The following HIPK3 variants were observed in gnomAD, a reference collection of about 807,000 sequenced individuals.
HIPK3 encodes the protein homeodomain interacting protein kinase 3, also known as homeodomain-interacting protein kinase 3.
Under a neutral mutation model 124.2 loss-of-function variants are expected in HIPK3, and 47 were observed. The ratio of observed to expected loss-of-function variants is 0.38; its 90% CI spans 0.30 to 0.48. The LOEUF is 0.48. HIPK3 is among the 20% of genes least tolerant of loss of function. The pLI is 0.98. For synonymous variants in HIPK3, 482 were observed against 515.2 expected (o/e 0.94, Z 0.87); for missense variants, 1,286 against 1,454.3 (o/e 0.88, Z 1.88).
chr11:33,307,760 G>GT (rs1852210028), intron 2 of HIPK3, among the ~76,000 whole-genome samples: 1 of 151,440 alleles, frequency 6.6e-6, no homozygotes, highest in Non-Finnish European at 1.5e-5. Flanking sequence ...TTGTTGGTGT[G>GT]TGTGTGTGTG....
At chr11:33,339,623 T>G in intron 6 of HIPK3, 89 bp downstream of exon 6, 1 of 933,780 alleles carries the variant, frequency 1.1e-6, no homozygotes. Flanking sequence ...TTTTCTTCAT[T>G]AAACACAAGT....
Position 33,353,426 on chromosome 11 carries a change from AT to A in HIPK3, c.3507del (p.Arg1171ValfsTer34), listed in dbSNP as rs1480274480. On this transcript the variant is annotated frameshift_variant, in exon 17 of 17. Coordinates refer to ENST00000303296, the MANE Select transcript of HIPK3 (RefSeq NM_005734.5). LOFTEE classifies it high-confidence loss of function. ...GIVHQVPVGL[N>X]PRLLPSPTIH... ...GTTCACCAAGTCCCAGTGGGCTTAA[AT>A]CCCCGTCTGTTACCATCCCCAACCA... The A allele has an allele frequency of 6.2e-7, 1 of 1,613,940 alleles. No individual in the cohort carries two copies. The highest frequency in any genetic ancestry group is 8.5e-7 in the Non-Finnish European group (1 of 1,179,966).
intron 2 of HIPK3, among the ~76,000 whole-genome samples, chr11:33,317,678 C>A (rs1295241276): frequency 6.6e-6 from 1 of 152,202 alleles, no homozygotes; most frequent in Non-Finnish European, 1.5e-5. Flanking sequence ...ATTGCTGATA[C>A]AACTTAGGTG....
At chr11:33,308,880 T>A (rs1404473562) in intron 2 of HIPK3, among the ~76,000 whole-genome samples, 1 of 151,932 alleles carries the variant, frequency 6.6e-6, no homozygotes, top group Admixed American at 6.6e-5. Flanking sequence ...TTCCTTTTAC[T>A]GCTTTTCTGT....
intron 3 of HIPK3, among the ~76,000 whole-genome samples, chr11:33,332,477 A>G (rs1369213931): frequency 3.3e-5 from 5 of 152,168 alleles, no homozygotes; most frequent in African/African-American, 1.2e-4. Context: ...GGATGGATGG[A>G]TGGTTGAATG....
rs138430064 is a variant in HIPK3 at position 33,271,072 on chromosome 11, C to T, written c.-3+13183C>T. On this transcript the variant is annotated intron_variant, in intron 1 of 16. Coordinates refer to ENST00000303296, the MANE Select transcript of HIPK3 (RefSeq NM_005734.5). ...TTATATTAGTCTAGTATACCAATTC[C>T]TAGCAGTATGATTCCAGGTAAATGA... 5.2e-3 allele frequency among the ~76,000 whole-genome samples: 785 copies of T among 152,190 alleles called. 9 individuals carry two copies. Among genetic ancestry groups the T allele is most frequent in the Non-Finnish European group, 7.5e-3 (507 of 68,016 alleles).
intron 2 of HIPK3, among the ~76,000 whole-genome samples, chr11:33,290,640 C>CTTT (rs34712545): frequency 1.4e-5 from 2 of 141,752 alleles, no homozygotes; most frequent in Admixed American, 7.1e-5. Context: ...AAAAAAAAGT[C>CTTT]TTTTTTTTTT....
chr11:33,257,979 A>G, intron 1 of HIPK3, 90 bp downstream of exon 1: 1 of 960,692 alleles, frequency 1.0e-6, no homozygotes, highest in Non-Finnish European at 1.2e-6. Flanking sequence ...CCCAAGCCTG[A>G]CCCGGGCCTG....
chr11:33,344,209 A>G (rs1853427723), intron 8 of HIPK3, among the ~76,000 whole-genome samples: 1 of 152,230 alleles, frequency 6.6e-6, no homozygotes, highest in African/African-American at 2.4e-5. Flanking sequence ...TAAATACTTC[A>G]GCATGCAAGA....
At chr11:33,351,183 C>T (rs1224375565) in intron 14 of HIPK3, among the ~76,000 whole-genome samples, 1 of 152,082 alleles carries the variant, frequency 6.6e-6, no homozygotes, top group Admixed American at 6.6e-5. Context: ...AGCAGAGGCA[C>T]ATATCCTGAT....
chr11:33,298,189 G>A lies in HIPK3; in HGVS notation c.1097+10678G>A, dbSNP rs556739183. 3.0e-4 allele frequency among the ~76,000 whole-genome samples: 46 copies of A among 152,218 alleles called. No individual in the cohort carries two copies. In the South Asian group the frequency reaches 8.7e-3, roughly 29 times the overall value. ...AAATCCCAGAGCCCTTTAGAATTAC[G>A]CCAAATCGACTCTGCCTCGACTCTG... On this transcript the variant is annotated intron_variant, in intron 2 of 16. Transcript: ENST00000303296.
intron 2 of HIPK3, among the ~76,000 whole-genome samples, chr11:33,296,640 G>C (rs1391206893): frequency 2.0e-5 from 3 of 152,064 alleles, no homozygotes; most frequent in African/African-American, 7.3e-5. Flanking sequence ...TTGTTACAAT[G>C]ATCTTTGAAC....
intron 1 of HIPK3, among the ~76,000 whole-genome samples, chr11:33,276,040 T>A (rs1168380692): frequency 1.3e-5 from 2 of 152,200 alleles, no homozygotes; most frequent in Non-Finnish European, 2.9e-5. Context: ...GTTTAACTTA[T>A]CCTTTGACAA....
chr11:33,332,634 TATGTA>T (rs1175379745), intron 3 of HIPK3, among the ~76,000 whole-genome samples: 1 of 152,206 alleles, frequency 6.6e-6, no homozygotes, highest in Non-Finnish European at 1.5e-5. Context: ...TTTCAAGTCT[TATGTA>T]AGAAAAATAA....
At chr11:33,307,827 T>C (rs1488069406) in intron 2 of HIPK3, among the ~76,000 whole-genome samples, 1 of 152,004 alleles carries the variant, frequency 6.6e-6, no homozygotes, top group Non-Finnish European at 1.5e-5. Flanking sequence ...TATGAAACTT[T>C]TGGGAAAATA....
intron 2 of HIPK3, among the ~76,000 whole-genome samples, chr11:33,318,672 T>C (rs980619677): frequency 1.3e-5 from 2 of 152,172 alleles, no homozygotes; most frequent in African/African-American, 4.8e-5. Flanking sequence ...GCCAGCAAAA[T>C]CTCTCTGTCT....
In HIPK3 at chr11:33,341,029, A is replaced by G; in HGVS notation, c.1675A>G (p.Asn559Asp). ...CKSHLNSCDT[N>D]NHNKTSLLRP... ...GTCCCACCTAAATTCATGTGACACA[A>G]ATAATCACAACAAAACTTCACTTTT... Residue 559 changes from asparagine to aspartate, a missense_variant, in exon 7 of 17, where the codon AAT becomes GAT. Transcript: ENST00000303296. 6.2e-7 allele frequency: 1 copy of G among 1,609,470 alleles called. No individual in the cohort carries two copies.
rs762660069 is a variant in HIPK3 at position 33,348,155 on chromosome 11, C to T, written c.2307-11C>T. The T allele has an allele frequency of 2.5e-6, 4 of 1,613,538 alleles. No homozygotes were observed. Among genetic ancestry groups the T allele is most frequent in the Non-Finnish European group, 3.4e-6 (4 of 1,179,652 alleles). The stretch of plus-strand genomic sequence containing the variant: ...ACAAACACTAAGCCAGCTCCCTTCT[C>T]AATTTCTCAGAGGTATTTTGGTAAA... On this transcript the variant is annotated splice_polypyrimidine_tract_variant and intron_variant, in intron 11 of 16. Coordinates refer to ENST00000303296, the MANE Select transcript of HIPK3 (RefSeq NM_005734.5).
intron 12 of HIPK3, 55 bp downstream of exon 12, chr11:33,348,283 T>G: frequency 6.7e-7 from 1 of 1,496,158 alleles, no homozygotes; most frequent in South Asian, 1.2e-5. Flanking sequence ...ATGTAGCAAT[T>G]GTGGACATTC....
Sources: allele counts gnomAD v4.1 joint callset (sites outside exome capture counted in the v4.1 genomes callset), GRCh38; gene constraint gnomAD v4.1.1; transcripts MANE v1.5; gene names NCBI Gene and HGNC (gene_info 2026-07-23, HGNC 2026-07-21).